HLTF: variants seen among roughly 807,000 people sequenced by gnomAD.
HLTF encodes helicase like transcription factor.
HLTF carries 127 observed loss-of-function variants against 129.4 expected under a neutral mutation model. That is an observed-to-expected ratio of 0.98 (90% CI 0.85 to 1.14). The LOEUF (loss-of-function observed/expected upper bound fraction) is 1.14, where lower values mean the gene tolerates loss of function less well. Among genes scored for constraint, HLTF ranks in the 50% most tolerant of loss-of-function variants. The pLI is 0.00. For synonymous variants in HLTF, 332 were observed against 388.8 expected (o/e 0.85, Z 1.72); for missense variants, 1,139 against 1,187.1 (o/e 0.96, Z 0.60).
At position 149,031,027 on chromosome 3, in the gene HLTF, G is replaced by A. The variant is rs1714986622; in HGVS notation, c.*1193C>T. ...TGTTAGAGTAATTAATCTTTCTTTG[G>A]ATTAAAGTTTCCCTTTGAAATAAAA... On this transcript the variant is annotated 3_prime_UTR_variant, in exon 25 of 25. Coordinates refer to ENST00000310053, the MANE Select transcript of HLTF (RefSeq NM_003071.4). 6.6e-6 allele frequency: 1 copy of A among 151,916 alleles called. No homozygotes were observed. The highest frequency in any genetic ancestry group is 1.5e-5 in the Non-Finnish European group (1 of 67,990). The allele number at this position is 151,916 out of a possible 1,614,324, so 9.4% of individuals were successfully genotyped here. A position where few individuals can be genotyped will look rare whatever the true frequency, so the allele number is the denominator to read the frequency against.
In HLTF at chr3:149,048,117, G is replaced by C. The variant is rs1345887579; in HGVS notation, c.1803C>G (p.Ser601=). 6.2e-7 allele frequency: 1 copy of C among 1,612,462 alleles called. No individual in the cohort carries two copies. The highest frequency in any genetic ancestry group is 1.7e-5 in the Admixed American group (1 of 59,880). Residue 601 remains serine (S), a synonymous_variant, in exon 17 of 25, where the codon TCC becomes TCG. Transcript: ENST00000310053. ...CAATAAATGGTTTAAGTTTTAAAAA[G>C]GAAAGAAGAGACCACAAGTCCTTTA... is the stretch of plus-strand genomic sequence containing the variant. ...NSLKDLWSLL[S]FLKLKPFIDR...
intron 8 of HLTF, among the ~76,000 whole-genome samples, chr3:149,065,074 A>T (rs541344278): frequency 7.6e-4 from 115 of 152,292 alleles, no homozygotes; most frequent in Middle Eastern, 3.4e-3. Context: ...CTCAAAAAAA[A>T]AAAAATAAAT....
chr3:149,050,257 T>C lies in HLTF; in HGVS notation c.1592A>G (p.Tyr531Cys). ...TCCATAGTCATGAGTTAAAATATTA[T>C]ACGTAGTCAAAACAATATCCTGTTT... ...LSKQDIVLTT[Y>C]NILTHDYGTK... is the part of the protein sequence containing the mutation. The change falls in exon 15 of 25, where the codon TAT becomes TGT. Residue 531 changes from tyrosine to cysteine, a missense_variant. Coordinates refer to ENST00000310053, the MANE Select transcript of HLTF (RefSeq NM_003071.4). 1 of 1,590,560 alleles carries C rather than the reference T, an allele frequency of 6.3e-7. No homozygotes were observed. Among genetic ancestry groups the C allele is most frequent in the Non-Finnish European group, 8.6e-7 (1 of 1,160,524 alleles).
Position 149,031,966 on chromosome 3 carries a change from G to A in HLTF, c.*254C>T, listed in dbSNP as rs1274593624. The A allele has an allele frequency of 8.0e-6, 2 of 250,414 alleles. No individual in the cohort carries two copies. The highest frequency in any genetic ancestry group is 2.2e-5 in the African/African-American group (1 of 45,018). 15.5% of individuals were successfully genotyped at this position (250,414 alleles called of 1,614,324 possible). A position where few individuals can be genotyped will look rare whatever the true frequency, so the allele number is the denominator to read the frequency against. On this transcript the variant is annotated 3_prime_UTR_variant, in exon 25 of 25. Transcript: ENST00000310053. The stretch of plus-strand genomic sequence containing the variant: ...ATACTCAGCATAGATATTATGAAAA[G>A]CTGAATAACAAAGTAACCTTTTTTC...
intron 24 of HLTF, 103 bp from the exon 25 acceptor site, chr3:149,032,475 A>G (rs544292553): frequency 1.5e-6 from 1 of 665,780 alleles, no homozygotes; most frequent in African/African-American, 1.9e-5. Context: ...AAAAACCGCA[A>G]TTACTTTTGC....
chr3:149,064,914 A>G (rs1718228530), intron 8 of HLTF, 48 bp from the exon 9 acceptor site: 6 of 1,008,844 alleles, frequency 5.9e-6, no homozygotes, highest in Non-Finnish European at 6.2e-6. Context: ...TCAGTTTTAA[A>G]TAACTTTAAA....
chr3:149,075,098 T>G (rs867896034), intron 3 of HLTF, among the ~76,000 whole-genome samples: 2 of 152,202 alleles, frequency 1.3e-5, no homozygotes, highest in Non-Finnish European at 1.5e-5. Context: ...AAAAATAAGT[T>G]TTTTGTATTT....
chr3:149,074,360 G>A lies in HLTF; in HGVS notation c.396-12C>T. 1 of 1,582,828 alleles carries A rather than the reference G, an allele frequency of 6.3e-7. No homozygotes were observed. The highest frequency in any genetic ancestry group is 8.6e-7 in the Non-Finnish European group (1 of 1,167,574). ...CAAAAGGAACTACCCTATTATATTT[G>A]GGAGAAAAAGAAAGGGAAATCAGAA... On this transcript the variant is annotated splice_polypyrimidine_tract_variant and intron_variant, in intron 3 of 24. Coordinates refer to ENST00000310053, the MANE Select transcript of HLTF (RefSeq NM_003071.4).
At chr3:149,047,102 T>C (rs530839339) in intron 17 of HLTF, among the ~76,000 whole-genome samples, 4 of 152,342 alleles carry the variant, frequency 2.6e-5, no homozygotes, top group Admixed American at 1.3e-4. Flanking sequence ...CTCTATTTCA[T>C]TGTCTTTTTA....
At chr3:149,084,147 T>G (rs1355886925) in intron 2 of HLTF, among the ~76,000 whole-genome samples, 1 of 152,076 alleles carries the variant, frequency 6.6e-6, no homozygotes, top group Non-Finnish European at 1.5e-5. Context: ...TATAAAAACT[T>G]AGGAAATATT....
chr3:149,068,322 G>T lies in HLTF; in HGVS notation c.908C>A (p.Thr303Lys). 2.0e-6 allele frequency: 3 copies of T among 1,485,978 alleles called. No individual in the cohort carries two copies. The highest frequency in any genetic ancestry group is 1.2e-5 in the South Asian group (1 of 85,652). The allele number at this position is 1,485,978 out of a possible 1,614,324, so 92.0% of individuals were successfully genotyped here. ...ADDMGLGKTL[T>K]AIAVILTNFH... ...GTTGGTAAGGATTACTGCAATGGCC[G>T]TAAGAGTTTTACCCTTAAAAATGTT... Residue 303 changes from threonine (T) to lysine (K), a missense_variant, in exon 8 of 25, where the codon ACG becomes AAG. Coordinates refer to ENST00000310053, the MANE Select transcript of HLTF (RefSeq NM_003071.4).
chr3:149,040,815 A>G (rs1716069816), intron 20 of HLTF, among the ~76,000 whole-genome samples: 1 of 152,158 alleles, frequency 6.6e-6, no homozygotes, highest in Non-Finnish European at 1.5e-5. Flanking sequence ...CAGATACAGG[A>G]ATATGTTTAC....
chr3:149,071,396 C>A lies in HLTF; in HGVS notation c.750G>T (p.Trp250Cys). Residue 250 changes from tryptophan to cysteine, a missense_variant, in exon 7 of 25, where the codon TGG (tryptophan) becomes TGT (cysteine). Transcript: ENST00000310053. ...CTTTGCTATTTTCCCGTGACACCAT[C>A]CAAGCTAGAGCTTGTTTTTGATGTG... is the stretch of plus-strand genomic sequence containing the variant. ...LLPHQKQALAWMVSRENSKEL... is the reference protein window; with the variant it reads ...LLPHQKQALACMVSRENSKEL... The A allele has an allele frequency of 6.2e-7, 1 of 1,613,918 alleles. No homozygotes were observed. The highest frequency in any genetic ancestry group is 8.5e-7 in the Non-Finnish European group (1 of 1,179,858).
At position 149,042,161 on chromosome 3, in the gene HLTF, C is replaced by A. The variant is rs1198395611; in HGVS notation, c.2197+5G>T. The A allele has an allele frequency of 1.2e-6, 2 of 1,612,070 alleles. No individual in the cohort carries two copies. Among genetic ancestry groups the A allele is most frequent in the African/African-American group, 1.3e-5 (1 of 74,810 alleles). On this transcript the variant is annotated splice_donor_5th_base_variant and intron_variant, in intron 19 of 24. Transcript: ENST00000310053. ...CAATGATATGAAGCAATCAAATTTA[C>A]CTACCTGAGGGGCCATTGGAAGACA...
At position 149,039,627 on chromosome 3, in the gene HLTF, C is replaced by T; in HGVS notation, c.2569G>A (p.Val857Ile). The change falls in exon 22 of 25, where the codon GTT becomes ATT. Residue 857 changes from valine (V) to isoleucine (I), a missense_variant. Val to Ile is a conservative substitution (Grantham distance 29). Coordinates refer to ENST00000310053, the MANE Select transcript of HLTF (RefSeq NM_003071.4). ...KKNPNIKSLV[V>I]SQFTTFLSLI... is the part of the protein sequence containing the mutation. ...GACAGGAATGTTGTAAACTGAGAAA[C>T]AACCAAACTTTTTATGTTGGGATTC... The T allele has an allele frequency of 1.2e-6, 2 of 1,606,304 alleles. No homozygotes were observed. Among genetic ancestry groups the T allele is most frequent in the Non-Finnish European group, 1.7e-6 (2 of 1,176,042 alleles).
intron 22 of HLTF, 102 bp from the exon 23 acceptor site, chr3:149,039,331 TTATTTTA>T (rs1715920648): frequency 1.1e-6 from 1 of 904,314 alleles, no homozygotes; most frequent in African/African-American, 1.7e-5. Flanking sequence ...TTTCACTCAT[TTATTTTA>T]ACAAATGTTT....
intron 14 of HLTF, 34 bp downstream of exon 14, chr3:149,055,269 T>C: frequency 7.1e-7 from 1 of 1,401,472 alleles, no homozygotes; most frequent in East Asian, 2.3e-5. Flanking sequence ...AAAATATAAA[T>C]TATGTTACAT....
intron 10 of HLTF, among the ~76,000 whole-genome samples, chr3:149,062,626 C>T (rs1292570718): frequency 1.3e-5 from 2 of 152,138 alleles, no homozygotes; most frequent in African/African-American, 4.8e-5. Flanking sequence ...GGAATTACAT[C>T]TTTTATTCAA....
In HLTF at chr3:149,086,299, C is replaced by G. The variant is rs1056516915; in HGVS notation, c.20+18G>C. Reference sequence around the variant, plus strand: ...CAGGCCGTTAGACCGAGCGCCCCACCCCCTCCGCCCCCTTCACCTCTTGAA... The same window carrying G: ...CAGGCCGTTAGACCGAGCGCCCCACGCCCTCCGCCCCCTTCACCTCTTGAA... On this transcript the variant is annotated intron_variant, in intron 1 of 24. Coordinates refer to ENST00000310053, the MANE Select transcript of HLTF (RefSeq NM_003071.4). 5.6e-6 allele frequency: 9 copies of G among 1,601,618 alleles called. No individual in the cohort carries two copies. The Admixed American group carries it at 6.8e-5, about 12-fold the overall frequency.
Sources: allele counts gnomAD v4.1 joint callset (sites outside exome capture counted in the v4.1 genomes callset), GRCh38; gene constraint gnomAD v4.1.1; transcripts MANE v1.5; gene names NCBI Gene and HGNC (gene_info 2026-07-23, HGNC 2026-07-21).